Variants in BTG1 observed in about 807,000 individuals in gnomAD.
BTG1 encodes the protein protein BTG1.
In BTG1, 2 loss-of-function variants were observed where a neutral mutation model predicts 15.2. The ratio of observed to expected loss-of-function variants is 0.13; its 90% CI spans 0.05 to 0.41. BTG1 has a LOEUF of 0.41. Among genes scored for constraint, BTG1 ranks in the 10% least tolerant of loss-of-function variants. The pLI, the probability that BTG1 is intolerant of heterozygous loss-of-function variation, is 0.99. For missense variants in BTG1, 149 were observed against 215.0 expected (o/e 0.69, Z 1.92); for synonymous variants, 109 against 82.4 (o/e 1.32, Z -1.75).
In BTG1 at chr12:92,145,495, T is replaced by C; in HGVS notation, c.41A>G (p.Glu14Gly). 6.3e-7 allele frequency: 1 copy of C among 1,581,468 alleles called. No individual in the cohort carries two copies. The highest frequency in any genetic ancestry group is 8.6e-7 in the Non-Finnish European group (1 of 1,165,698). The change falls in exon 1 of 2, where the codon GAG becomes GGG. Residue 14 changes from glutamate (E) to glycine (G), a missense_variant. This residue lies in a region of BTG1 where 63 missense variants were observed against 60.8 expected (regional missense o/e 1.04). Transcript: ENST00000256015. ...FYTRAATMIG[E>G]IAAAVSFISK... ...GATGAAGGACACGGCGGCGGCGATC[T>C]CGCCTATCATGGTGGCGGCCCGGGT...
At position 92,142,646 on chromosome 12, in the gene BTG1, C is replaced by T; in HGVS notation, c.*1434G>A. On this transcript the variant is annotated 3_prime_UTR_variant, in exon 2 of 2. Coordinates refer to ENST00000256015, the MANE Select transcript of BTG1 (RefSeq NM_001731.3). ...CAGCTTATGTGATTTTTATGTACAT[C>T]TTGCAGGTGATGAAAAGCAAAAAGC... 4.3e-6 allele frequency: 1 copy of T among 232,952 alleles called. No homozygotes were observed. The highest frequency in any genetic ancestry group is 6.1e-5 in the East Asian group (1 of 16,508). 14.4% of individuals were successfully genotyped at this position (232,952 alleles called of 1,614,324 possible).
In BTG1 at chr12:92,142,554, G is replaced by C; in HGVS notation, c.*1526C>G. On this transcript the variant is annotated 3_prime_UTR_variant, in exon 2 of 2. Transcript: ENST00000256015. The stretch of plus-strand genomic sequence containing the variant: ...TCTGAAATAAAAGTCTGAAAATGAG[G>C]AATCGAGAAAGTCAGCATTTCAACT... The C allele has an allele frequency of 4.3e-6, 1 of 232,648 alleles. No individual in the cohort carries two copies. The highest frequency in any genetic ancestry group is 8.5e-6 in the Non-Finnish European group (1 of 117,690). The allele number at this position is 232,648 out of a possible 1,614,324, so 14.4% of individuals were successfully genotyped here.
In BTG1 at chr12:92,141,538, G is replaced by A. The variant is rs1244557572; in HGVS notation, c.*2542C>T. 2 of 231,000 alleles carry A rather than the reference G, an allele frequency of 8.7e-6. No individual in the cohort carries two copies. The highest frequency in any genetic ancestry group is 1.7e-5 in the Non-Finnish European group (2 of 116,750). The allele number at this position is 231,000 out of a possible 1,614,324, so 14.3% of individuals were successfully genotyped here. On this transcript the variant is annotated 3_prime_UTR_variant, in exon 2 of 2. Coordinates refer to ENST00000256015, the MANE Select transcript of BTG1 (RefSeq NM_001731.3). ...CAACTATGAATTCCTGGTGCCAAAG[G>A]CAACAATAATTTTGAAAGTAGTCAT...
At chr12:92,145,358 G>C in intron 1 of BTG1, 30 bp downstream of exon 1, 1 of 1,520,502 alleles carries the variant, frequency 6.6e-7, no homozygotes, top group Non-Finnish European at 8.8e-7. Context: ...TGTGGGGCCC[G>C]CGTCCCTCCG....
chr12:92,141,412 T>C lies in BTG1; in HGVS notation c.*2668A>G, dbSNP rs780535263. ...ATCCACTTGAAGCCTTGTTTCAACA[T>C]TACAGAGGGAGGCACTACTTAAATT... is the stretch of plus-strand genomic sequence containing the variant. On this transcript the variant is annotated 3_prime_UTR_variant, in exon 2 of 2. Transcript: ENST00000256015. 4.3e-6 allele frequency: 1 copy of C among 232,004 alleles called. No individual in the cohort carries two copies. The highest frequency in any genetic ancestry group is 8.5e-6 in the Non-Finnish European group (1 of 117,360). 14.4% of individuals were successfully genotyped at this position (232,004 alleles called of 1,614,324 possible).
chr12:92,145,813 A>G lies in BTG1; in HGVS notation c.-278T>C, dbSNP rs1394906951. 2 of 260,664 alleles carry G rather than the reference A, an allele frequency of 7.7e-6. No individual in the cohort carries two copies. The highest frequency in any genetic ancestry group is 1.5e-5 in the Non-Finnish European group (2 of 137,590). 16.1% of individuals were successfully genotyped at this position (260,664 alleles called of 1,614,324 possible). ...GCCTCCAGCTCCGCAGCATTCGAAG[A>G]TCTCAATAGCTGCATTTCCAGCTCC... is the stretch of plus-strand genomic sequence containing the variant. On this transcript the variant is annotated 5_prime_UTR_variant, in exon 1 of 2. Transcript: ENST00000256015.
At position 92,142,351 on chromosome 12, in the gene BTG1, C is replaced by CA; in HGVS notation, c.*1728dup. 4.3e-6 allele frequency: 1 copy of CA among 230,234 alleles called. No homozygotes were observed. The highest frequency in any genetic ancestry group is 8.6e-6 in the Non-Finnish European group (1 of 116,442). The allele number at this position is 230,234 out of a possible 1,614,324, so 14.3% of individuals were successfully genotyped here. ...AGTGTCAACATGTTTACATATATACCAAAAAAAGGCCACTATATGTTAACT... is the reference window on the plus strand; with the variant it reads ...AGTGTCAACATGTTTACATATATACCAAAAAAAAGGCCACTATATGTTAACT... On this transcript the variant is annotated 3_prime_UTR_variant, in exon 2 of 2. Coordinates refer to ENST00000256015, the MANE Select transcript of BTG1 (RefSeq NM_001731.3).
In BTG1 at chr12:92,145,697, A is replaced by G. The variant is rs944483422; in HGVS notation, c.-162T>C. On this transcript the variant is annotated 5_prime_UTR_variant, in exon 1 of 2. Transcript: ENST00000256015. ...TTGTCTTTCTTTCTTTAGACTAAAA[A>G]AGTTATTTTCGAGACAGGAGGCGGC... 1.4e-4 allele frequency: 62 copies of G among 428,824 alleles called. No homozygotes were observed. The highest frequency in any genetic ancestry group is 7.6e-4 in the Admixed American group (16 of 20,938). The allele number at this position is 428,824 out of a possible 1,614,324, so 26.6% of individuals were successfully genotyped here. A position where few individuals can be genotyped will look rare whatever the true frequency, so the allele number is the denominator to read the frequency against.
intron 1 of BTG1, among the ~76,000 whole-genome samples, chr12:92,144,690 G>A (rs1020108951): frequency 4.6e-5 from 7 of 152,212 alleles, no homozygotes; most frequent in African/African-American, 1.7e-4. Context: ...CGCCAAAACA[G>A]GAATCAGGCG....
chr12:92,144,799 G>A (rs1870476140), intron 1 of BTG1, among the ~76,000 whole-genome samples: 1 of 152,202 alleles, frequency 6.6e-6, no homozygotes, highest in Non-Finnish European at 1.5e-5. Context: ...TGGAGTTGAT[G>A]GCTTTGGAGA....
At position 92,142,204 on chromosome 12, in the gene BTG1, A is replaced by C; in HGVS notation, c.*1876T>G. On this transcript the variant is annotated 3_prime_UTR_variant, in exon 2 of 2. Transcript: ENST00000256015. ...TAAATACCTGCATATTCAGTGGCCTATTCCTGTGTTGTCTACAAAATCAGA... is the reference window on the plus strand; with the variant it reads ...TAAATACCTGCATATTCAGTGGCCTCTTCCTGTGTTGTCTACAAAATCAGA... 4.3e-6 allele frequency: 1 copy of C among 232,054 alleles called. No homozygotes were observed. 14.4% of individuals were successfully genotyped at this position (232,054 alleles called of 1,614,324 possible).
rs946244057 is a variant in BTG1, at chr12:92,143,091, T to C, written c.*989A>G. Reference sequence around the variant, plus strand: ...CCTGTCTTCTAAGAAAAAATACTTTTAGCTAAACCTCTATAATCATGACAA... The same window carrying C: ...CCTGTCTTCTAAGAAAAAATACTTTCAGCTAAACCTCTATAATCATGACAA... On this transcript the variant is annotated 3_prime_UTR_variant, in exon 2 of 2. Transcript: ENST00000256015. The C allele has an allele frequency of 4.3e-6, 1 of 232,828 alleles. No individual in the cohort carries two copies. The highest frequency in any genetic ancestry group is 8.5e-6 in the Non-Finnish European group (1 of 117,812). The allele number at this position is 232,828 out of a possible 1,614,324, so 14.4% of individuals were successfully genotyped here.
intron 1 of BTG1, 86 bp downstream of exon 1, chr12:92,145,302 C>A: frequency 7.4e-7 from 1 of 1,359,584 alleles, no homozygotes; most frequent in Non-Finnish European, 9.5e-7. Context: ...CCCCGGGGCG[C>A]TGCCGAGGTT....
At chr12:92,144,545 A>G (rs1565855283) in intron 1 of BTG1, 98 bp from the exon 2 acceptor site, 1 of 1,492,274 alleles carries the variant, frequency 6.7e-7, no homozygotes, top group East Asian at 2.3e-5. Flanking sequence ...GCGAAAATGA[A>G]AACTATCAAC....
Position 92,145,638 on chromosome 12 carries a change from A to G in BTG1, c.-103T>C. On this transcript the variant is annotated 5_prime_UTR_variant, in exon 1 of 2. Transcript: ENST00000256015. The stretch of plus-strand genomic sequence containing the variant: ...CTTCCTCACCGGGCGGAAGGCTGAG[A>G]GGAAGAGAGGGCGTGAGGGGCGGAC... 1.2e-6 allele frequency: 1 copy of G among 808,100 alleles called. No homozygotes were observed. The highest frequency in any genetic ancestry group is 5.2e-5 in the South Asian group (1 of 19,054). The allele number at this position is 808,100 out of a possible 1,614,324, so 50.1% of individuals were successfully genotyped here.
rs1030955742 is a variant in BTG1 at position 92,140,356 on chromosome 12, A to G, written c.*3724T>C. 2.4e-5 allele frequency: 5 copies of G among 204,510 alleles called. No individual in the cohort carries two copies. Among genetic ancestry groups the G allele is most frequent in the Non-Finnish European group, 5.0e-5 (5 of 100,290 alleles). The allele number at this position is 204,510 out of a possible 1,614,324, so 12.7% of individuals were successfully genotyped here. ...GATAAGCCAAGTTAAACCTGCAGTC[A>G]AAAAAAAACTGGTGTCAATCATACT... On this transcript the variant is annotated 3_prime_UTR_variant, in exon 2 of 2. Transcript: ENST00000256015.
rs2136950164 is a variant in BTG1, at chr12:92,145,548, C to CG, written c.-14dup. On this transcript the variant is annotated 5_prime_UTR_variant, in exon 1 of 2. Coordinates refer to ENST00000256015, the MANE Select transcript of BTG1 (RefSeq NM_001731.3). Reference sequence around the variant, plus strand: ...AGAAGGGATGCATGGGGGCGGCGTGCGGGGGCGGCCCGGGGCGGCTGGGGC... The same window carrying CG: ...AGAAGGGATGCATGGGGGCGGCGTGCGGGGGGCGGCCCGGGGCGGCTGGGGC... The CG allele has an allele frequency of 1.4e-6, 2 of 1,467,316 alleles. No individual in the cohort carries two copies. The highest frequency in any genetic ancestry group is 1.8e-6 in the Non-Finnish European group (2 of 1,102,122). The allele number at this position is 1,467,316 out of a possible 1,614,324, so 90.9% of individuals were successfully genotyped here.
In BTG1 at chr12:92,144,521, G is replaced by C. The variant is rs981235600; in HGVS notation, c.149-74C>G. The C allele has an allele frequency of 3.2e-6, 5 of 1,575,834 alleles. No homozygotes were observed. In the South Asian group the frequency reaches 5.9e-5, roughly 19 times the overall value. ...CCCACTGCGGATTCCTCCTACCCCA[G>C]GCTCCTTTGAGGAGCGAAAATGAAA... On this transcript the variant is annotated intron_variant, in intron 1 of 1. Transcript: ENST00000256015.
chr12:92,145,262 G>A (rs1361531833), intron 1 of BTG1, 126 bp downstream of exon 1: 4 of 1,297,904 alleles, frequency 3.1e-6, no homozygotes, highest in Admixed American at 4.1e-5. Context: ...CAACCACACC[G>A]GTCCCGCGGC....
Sources: allele counts gnomAD v4.1 joint callset (sites outside exome capture counted in the v4.1 genomes callset), GRCh38; gene constraint gnomAD v4.1.1; regional missense constraint gnomAD v4.1.1; transcripts MANE v1.5; gene names NCBI Gene and HGNC (gene_info 2026-07-23, HGNC 2026-07-21).